The following MMP17 variants were observed in gnomAD, a reference collection of about 807,000 sequenced individuals.
MMP17 encodes matrix metalloproteinase-17.
In MMP17, 54 loss-of-function variants were observed where a neutral mutation model predicts 49.1. That is an observed-to-expected ratio of 1.10 (90% CI 0.88 to 1.38). MMP17 has a LOEUF of 1.38. Ranked by LOEUF, MMP17 falls within the 40% of genes most tolerant of loss-of-function variation. MMP17 has a pLI of 0.00. For missense variants in MMP17, 837 were observed against 853.7 expected, an observed-to-expected ratio of 0.98 and a Z score of 0.24; for synonymous variants, 397 against 383.1, an observed-to-expected ratio of 1.04 and a Z score of -0.42.
chr12:131,850,137 A>C, intron 9 of MMP17, 78 bp downstream of exon 9: 2 of 1,473,126 alleles, frequency 1.4e-6, no homozygotes, highest in Non-Finnish European at 1.8e-6. Flanking sequence ...AGGGCAGCCA[A>C]GAGGTTCCCT....
chr12:131,836,256 G>A (rs1328733209), intron 1 of MMP17, among the ~76,000 whole-genome samples: 1 of 152,138 alleles, frequency 6.6e-6, no homozygotes, highest in Non-Finnish European at 1.5e-5. Context: ...GGGGTGTGCA[G>A]ATCCCATGTA....
At chr12:131,837,968 C>G (rs1160223203) in intron 1 of MMP17, 1 of 444,582 alleles carries the variant, frequency 2.2e-6, no homozygotes, top group Non-Finnish European at 4.0e-6. Context: ...CCTCGGCCTC[C>G]CAAACTGCTG....
intron 8 of MMP17, 119 bp downstream of exon 8, chr12:131,845,568 C>A: frequency 7.6e-7 from 1 of 1,321,600 alleles, no homozygotes; most frequent in Non-Finnish European, 1.0e-6. Flanking sequence ...TGGTCGAGCA[C>A]AGAGCAGCTG....
intron 8 of MMP17, among the ~76,000 whole-genome samples, chr12:131,847,789 C>T (rs1887785161): frequency 6.6e-6 from 1 of 152,244 alleles, no homozygotes; most frequent in African/African-American, 2.4e-5. Flanking sequence ...ACCATAAAGC[C>T]CCATTTCTGG....
At chr12:131,831,276 GCAGCACAGC>G (rs1368171458) in intron 1 of MMP17, among the ~76,000 whole-genome samples, 1 of 152,134 alleles carries the variant, frequency 6.6e-6, no homozygotes, top group Non-Finnish European at 1.5e-5. Context: ...TCTCCTCTCG[GCAGCACAGC>G]CTGTGGCTGT....
At chr12:131,830,753 G>T (rs1284063720) in intron 1 of MMP17, among the ~76,000 whole-genome samples, 1 of 152,212 alleles carries the variant, frequency 6.6e-6, no homozygotes, top group Non-Finnish European at 1.5e-5. Context: ...GGGCTGGAGG[G>T]GAGGGCCCGC....
In MMP17 at chr12:131,847,178, C is replaced by T. The variant is rs1037515387; in HGVS notation, c.1204+1729C>T. Among the ~76,000 whole-genome samples, 6 of 151,586 alleles carry T rather than the reference C, an allele frequency of 4.0e-5. No homozygotes were observed. The East Asian group carries it at 5.8e-4, about 15-fold the overall frequency. ...CTGCAATCCCAGCATTTTGGGAGGC[C>T]GAGGCGGGCAGATTACAAGGTCAGG... On this transcript the variant is annotated intron_variant, in intron 8 of 9. Transcript: ENST00000360564.
In MMP17 at chr12:131,841,706, C is replaced by T. The variant is rs769262647; in HGVS notation, c.789C>T (p.His263=). 3.7e-6 allele frequency: 6 copies of T among 1,613,848 alleles called. No homozygotes were observed. The highest frequency in any genetic ancestry group is 1.3e-5 in the African/African-American group (1 of 74,936). Residue 263 remains histidine, a synonymous_variant, in exon 5 of 10, where the codon CAC becomes CAT. Transcript: ENST00000360564. ...AIGLSHVAAA[H]SIMRPYYQGP... ...GGTTAAGCCATGTGGCCGCTGCACA[C>T]TCCATCATGCGGCCGTACTACCAGG...
intron 1 of MMP17, among the ~76,000 whole-genome samples, chr12:131,835,754 A>C (rs990671917): frequency 2.6e-5 from 4 of 152,202 alleles, no homozygotes; most frequent in African/African-American, 9.7e-5. Flanking sequence ...GATGTGAGGA[A>C]ACTCCAGAGT....
chr12:131,840,408 C>T, intron 3 of MMP17, 165 bp from the exon 4 acceptor site: 2 of 672,256 alleles, frequency 3.0e-6, no homozygotes, highest in Non-Finnish European at 4.9e-6. Flanking sequence ...ACTACTGGAA[C>T]CGCCGTGAGT....
intron 1 of MMP17, among the ~76,000 whole-genome samples, chr12:131,834,398 G>A (rs902305050): frequency 2.0e-5 from 3 of 152,208 alleles, no homozygotes; most frequent in Non-Finnish European, 2.9e-5. Flanking sequence ...AGCGGTCTCC[G>A]TGGCGACAGC....
chr12:131,841,897 C>G, intron 5 of MMP17, 97 bp downstream of exon 5: 1 of 1,313,562 alleles, frequency 7.6e-7, no homozygotes, highest in Non-Finnish European at 1.0e-6. Flanking sequence ...GGTTTGCTCT[C>G]CCCGCTGTTC....
chr12:131,843,762 G>A (rs1887545072), intron 5 of MMP17, among the ~76,000 whole-genome samples: 1 of 152,218 alleles, frequency 6.6e-6, no homozygotes, highest in Non-Finnish European at 1.5e-5. Context: ...GGTGTACCCC[G>A]GGGTGGAATT....
intron 2 of MMP17, 53 bp downstream of exon 2, chr12:131,838,380 C>T (rs1887193905): frequency 6.3e-7 from 1 of 1,593,128 alleles, no homozygotes; most frequent in Non-Finnish European, 8.5e-7. Context: ...AGGTCTGCGC[C>T]CGTCGGCCAT....
chr12:131,847,636 G>A (rs568430554), intron 8 of MMP17, among the ~76,000 whole-genome samples: 14 of 152,324 alleles, frequency 9.2e-5, no homozygotes, highest in South Asian at 2.1e-4. Flanking sequence ...AGGTGGACCC[G>A]TCTGGCATCT....
At chr12:131,831,647 C>T (rs1385213647) in intron 1 of MMP17, among the ~76,000 whole-genome samples, 6 of 151,356 alleles carry the variant, frequency 4.0e-5, no homozygotes, top group East Asian at 2.0e-4. Context: ...CCCCTTCTGA[C>T]AGCCGTCTTC....
At chr12:131,848,549 C>T (rs1027492068) in intron 8 of MMP17, among the ~76,000 whole-genome samples, 11 of 152,254 alleles carry the variant, frequency 7.2e-5, no homozygotes, top group Non-Finnish European at 1.3e-4. Flanking sequence ...GAAACGCTGC[C>T]CCGTGAAACA....
rs1337748679 is a variant in MMP17, at chr12:131,840,857, G to A, written c.706+1G>A. ...GAGGCCTGGACCTTCCGCTCCTCGG[G>A]TGCGTCTGGGGCAGCCCTCAGGGCA... is the stretch of plus-strand genomic sequence containing the variant. On this transcript the variant is annotated splice_donor_variant, in intron 4 of 9. Coordinates refer to ENST00000360564, the MANE Select transcript of MMP17 (RefSeq NM_016155.7). LOFTEE classifies it high-confidence loss of function. 6.3e-7 allele frequency: 1 copy of A among 1,591,684 alleles called. No homozygotes were observed. Among genetic ancestry groups the A allele is most frequent in the Non-Finnish European group, 8.5e-7 (1 of 1,170,226 alleles).
At position 131,849,756 on chromosome 12, in the gene MMP17, G is replaced by T. The variant is rs542923780; in HGVS notation, c.1205-46G>T. The T allele has an allele frequency of 1.9e-6, 3 of 1,571,698 alleles. No homozygotes were observed. In the African/African-American group the frequency reaches 4.1e-5, roughly 21 times the overall value. On this transcript the variant is annotated intron_variant, in intron 8 of 9. Coordinates refer to ENST00000360564, the MANE Select transcript of MMP17 (RefSeq NM_016155.7). ...GAAAGGCAGGAGCCTCCTGCCCTTC[G>T]GGGTGGGGCCGAGCCCCGGCCCACA... is the stretch of plus-strand genomic sequence containing the variant.
Sources: gnomAD v4.1 joint callset for allele counts (sites outside exome capture counted in the v4.1 genomes callset) on GRCh38, gnomAD v4.1.1 for gene constraint, MANE v1.5 for transcripts, NCBI Gene and HGNC (gene_info 2026-07-23, HGNC 2026-07-21) for gene names.